Variants in ADAMTS17 observed in about 807,000 individuals in gnomAD.
ADAMTS17 encodes the protein A disintegrin and metalloproteinase with thrombospondin motifs 17.
Under a neutral mutation model 141.5 loss-of-function variants are expected in ADAMTS17, and 113 were observed. The observed-to-expected ratio is 0.80, with a 90% CI of 0.69 to 0.93. The LOEUF is 0.93. ADAMTS17 is among the 40% of genes least tolerant of loss of function. The pLI is 0.00. For missense variants in ADAMTS17, 1,659 were observed against 1,517.9 expected, an observed-to-expected ratio of 1.09 and a Z score of -1.54; for synonymous variants, 768 against 630.6, an observed-to-expected ratio of 1.22 and a Z score of -3.27.
At position 100,051,609 on chromosome 15, in the gene ADAMTS17, G is replaced by A; in HGVS notation, c.2418C>T (p.His806=). The A allele has an allele frequency of 2.5e-6, 4 of 1,614,146 alleles. No homozygotes were observed. The highest frequency in any genetic ancestry group is 3.4e-6 in the Non-Finnish European group (4 of 1,180,000). The change falls in exon 17 of 22, where the codon CAC becomes CAT. Residue 806 remains histidine, a synonymous_variant. Coordinates refer to ENST00000268070, the MANE Select transcript of ADAMTS17 (RefSeq NM_139057.4). The stretch of plus-strand genomic sequence containing the variant: ...GCACACTGCACCCTTCCCAGCCGCT[G>A]TGGGTCCAGATGAACAAAGAGTCCT... ...KPQDSLFIWT[H]SGWEGCSVQC...
Position 99,997,586 on chromosome 15 carries a change from C to T in ADAMTS17, c.2595G>A (p.Trp865Ter). Residue 865 changes from tryptophan to a stop codon, truncating the protein, a stop_gained, in exon 19 of 22, where the codon TGG becomes TGA. Transcript: ENST00000268070. LOFTEE classifies it high-confidence loss of function. This position sits in a 1 kb window ranked among gnomAD's most constrained non-coding sequence, Gnocchi z 4.7. Reference sequence around the variant, plus strand: ...AGCAGGGGCTCCACGGGCCTGCCACCCACCTGCCAGACGGGAGGAAAGAGA... The same window carrying T: ...AGCAGGGGCTCCACGGGCCTGCCACTCACCTGCCAGACGGGAGGAAAGAGA... ...RCNLHPCQSRWVAGPWSPCSA... is the reference protein window; with the variant it reads ...RCNLHPCQSR 6.2e-7 allele frequency: 1 copy of T among 1,612,984 alleles called. No individual in the cohort carries two copies. The highest frequency in any genetic ancestry group is 8.5e-7 in the Non-Finnish European group (1 of 1,179,918).
chr15:100,273,469 T>TC (rs2043981071), intron 4 of ADAMTS17, among the ~76,000 whole-genome samples: 1 of 152,188 alleles, frequency 6.6e-6, no homozygotes, highest in Non-Finnish European at 1.5e-5. Context: ...ATCTAGGTTA[T>TC]CCATTTGTTA....
At chr15:100,140,509 C>A (rs4965281) in intron 10 of ADAMTS17, among the ~76,000 whole-genome samples, 20,342 of 98,102 alleles carry the variant, frequency 0.21, 2,691 homozygotes, top group East Asian at 0.33. Context: ...ATATATATAT[C>A]CAGTAAAGAC....
Position 100,091,010 on chromosome 15 carries a change from C to CAAAAAAAAAAAAAAAAA in ADAMTS17, c.2137+5329_2137+5345dup, listed in dbSNP as rs556800178. Among the ~76,000 whole-genome samples, 45 of 54,594 alleles carry CAAAAAAAAAAAAAAAAA rather than the reference C, an allele frequency of 8.2e-4. 1 individual carries two copies. Among genetic ancestry groups the CAAAAAAAAAAAAAAAAA allele is most frequent in the Middle Eastern group, 0.013 (1 of 76 alleles). The allele number at this position is 54,594 out of a possible 152,430, so 35.8% of individuals were successfully genotyped here. A position where few individuals can be genotyped will look rare whatever the true frequency, so the allele number is the denominator to read the frequency against. ...GAGGCAGAGTGAGACTCCGTCTCAACAAAAAAAAAAAAAAAAAAGGGTAAC... is the reference window on the plus strand; with the variant it reads ...GAGGCAGAGTGAGACTCCGTCTCAACAAAAAAAAAAAAAAAAAAAAAAAAAAAAAAAAAAAGGGTAAC... On this transcript the variant is annotated intron_variant, in intron 15 of 21. Coordinates refer to ENST00000268070, the MANE Select transcript of ADAMTS17 (RefSeq NM_139057.4).
At chr15:100,300,953 T>C (rs891817859) in intron 3 of ADAMTS17, among the ~76,000 whole-genome samples, 6 of 152,236 alleles carry the variant, frequency 3.9e-5, no homozygotes, top group African/African-American at 1.4e-4. Flanking sequence ...ATCATTTAAT[T>C]GTTCTGTGTT....
intron 8 of ADAMTS17, among the ~76,000 whole-genome samples, chr15:100,162,874 A>G (rs2039782384): frequency 6.8e-6 from 1 of 146,582 alleles, no homozygotes; most frequent in East Asian, 2.1e-4. Context: ...ATATATAACT[A>G]TATGTATATA....
intron 3 of ADAMTS17, among the ~76,000 whole-genome samples, chr15:100,283,647 A>G (rs1355670799): frequency 6.6e-6 from 1 of 152,152 alleles, no homozygotes; most frequent in Non-Finnish European, 1.5e-5. Context: ...CTTGTCGTAT[A>G]TTTTTAAGTT....
At chr15:100,301,722 C>T (rs777867239) in intron 3 of ADAMTS17, among the ~76,000 whole-genome samples, 5 of 152,074 alleles carry the variant, frequency 3.3e-5, no homozygotes, top group African/African-American at 4.8e-5. Context: ...AAGAAACAAC[C>T]TTTACTCTAC....
intron 18 of ADAMTS17, among the ~76,000 whole-genome samples, chr15:100,005,949 T>TCCAGCC (rs148039873): frequency 2.5e-4 from 38 of 151,932 alleles, no homozygotes; most frequent in East Asian, 2.1e-3. Context: ...GAAGCATCAC[T>TCCAGCC]CCAGCCCCAG....
chr15:100,114,582 T>TG (rs2036994801), intron 13 of ADAMTS17, among the ~76,000 whole-genome samples: 1 of 152,160 alleles, frequency 6.6e-6, no homozygotes, highest in Non-Finnish European at 1.5e-5. Flanking sequence ...GCCCCGAGCG[T>TG]GGGGTCTCTC....
intron 8 of ADAMTS17, among the ~76,000 whole-genome samples, chr15:100,185,561 A>G (rs1339203579): frequency 6.6e-6 from 1 of 152,236 alleles, no homozygotes; most frequent in African/African-American, 2.4e-5. Flanking sequence ...CAAACTCGCC[A>G]GTGTGAGAAA....
chr15:100,299,862 C>A (rs909893414), intron 3 of ADAMTS17, among the ~76,000 whole-genome samples: 1 of 152,156 alleles, frequency 6.6e-6, no homozygotes, highest in Non-Finnish European at 1.5e-5. Flanking sequence ...GCACACCCTA[C>A]GGGGGCCTGA....
At chr15:100,040,652 G>A (rs1407043120) in intron 18 of ADAMTS17, among the ~76,000 whole-genome samples, 2 of 146,318 alleles carry the variant, frequency 1.4e-5, no homozygotes, top group South Asian at 2.2e-4. Flanking sequence ...CCTCTGTAAT[G>A]ATCAAACGAA....
rs369797689 is a variant in ADAMTS17, at chr15:100,232,636, G to C, written c.1075+21500C>G. Reference sequence around the variant, plus strand: ...CAAAGGGCTCTGGCGGTAAGTGCAGGACACCAAGTCACCAGAACTGAAGTC... The same window carrying C: ...CAAAGGGCTCTGGCGGTAAGTGCAGCACACCAAGTCACCAGAACTGAAGTC... On this transcript the variant is annotated intron_variant, in intron 7 of 21. Transcript: ENST00000268070. Among the ~76,000 whole-genome samples, 24 of 152,332 alleles carry C rather than the reference G, an allele frequency of 1.6e-4. 1 individual carries two copies. Among genetic ancestry groups the C allele is most frequent in the African/African-American group, 5.8e-4 (24 of 41,574 alleles).
intron 15 of ADAMTS17, among the ~76,000 whole-genome samples, chr15:100,084,641 A>G (rs1448341625): frequency 6.6e-6 from 1 of 152,178 alleles, no homozygotes; most frequent in Non-Finnish European, 1.5e-5. Flanking sequence ...CCTCCAAGAC[A>G]GAACTTCCAG....
At chr15:100,255,637 C>CACACACACACACACACACAT (rs2043302187) in intron 6 of ADAMTS17, among the ~76,000 whole-genome samples, 1 of 152,004 alleles carries the variant, frequency 6.6e-6, no homozygotes, top group South Asian at 2.1e-4. Flanking sequence ...CACACACACA[C>CACACACACACACACACACAT]ACACAGCTGG....
chr15:100,077,129 G>A (rs556002238), intron 15 of ADAMTS17, among the ~76,000 whole-genome samples: 3 of 151,566 alleles, frequency 2.0e-5, no homozygotes, highest in Non-Finnish European at 2.9e-5. Flanking sequence ...TTTATGCTAG[G>A]ACTCAAGCTT....
At chr15:100,275,643 C>G (rs547591738) in intron 4 of ADAMTS17, among the ~76,000 whole-genome samples, 2 of 152,106 alleles carry the variant, frequency 1.3e-5, no homozygotes, top group Non-Finnish European at 2.9e-5. Context: ...GGCTGTGTCA[C>G]GTCCCCAAGC....
intron 20 of ADAMTS17, among the ~76,000 whole-genome samples, chr15:99,992,736 A>G (rs894558281): frequency 7.2e-5 from 11 of 152,198 alleles, no homozygotes; most frequent in Non-Finnish European, 1.6e-4. Flanking sequence ...CACACCGCAC[A>G]GCATGGCAAG....
Sources: allele counts gnomAD v4.1 joint callset (sites outside exome capture counted in the v4.1 genomes callset), GRCh38; gene constraint gnomAD v4.1.1; non-coding constraint Gnocchi (gnomAD v3.1); transcripts MANE v1.5; gene names NCBI Gene and HGNC (gene_info 2026-07-23, HGNC 2026-07-21).